The following PRKCA variants were observed in gnomAD, a reference collection of about 807,000 sequenced individuals.
The protein encoded by PRKCA is protein kinase C alpha type.
PRKCA carries 27 observed loss-of-function variants against 87.0 expected under a neutral mutation model. The observed-to-expected ratio is 0.31, with a 90% CI of 0.23 to 0.43. The LOEUF is 0.43. Ranked by LOEUF, PRKCA falls within the 20% of genes least tolerant of loss-of-function variation. The pLI, the probability that PRKCA is intolerant of heterozygous loss-of-function variation, is 1.00. For synonymous variants in PRKCA, 329 were observed against 311.1 expected, an observed-to-expected ratio of 1.06 and a Z score of -0.61; for missense variants, 518 against 852.3, an observed-to-expected ratio of 0.61 and a Z score of 4.88.
chr17:66,539,539 G>A (rs1967909668), intron 3 of PRKCA, among the ~76,000 whole-genome samples: 1 of 151,952 alleles, frequency 6.6e-6, no homozygotes, highest in Admixed American at 6.6e-5. Flanking sequence ...GAGTAGCTGG[G>A]ACTACAGGCG....
At chr17:66,370,885 C>T (rs377587876) in intron 2 of PRKCA, among the ~76,000 whole-genome samples, 1 of 152,104 alleles carries the variant, frequency 6.6e-6, no homozygotes, top group East Asian at 1.9e-4. Context: ...AGCAGCAAAG[C>T]TAGGGTTCAA....
intron 13 of PRKCA, among the ~76,000 whole-genome samples, chr17:66,752,308 C>A (rs1043102479): frequency 6.6e-6 from 1 of 152,134 alleles, no homozygotes; most frequent in African/African-American, 2.4e-5. Context: ...ACAATAATCA[C>A]GTTGGGCTGG....
chr17:66,777,262 A>G (rs1975076968), intron 14 of PRKCA: 1 of 985,226 alleles, frequency 1.0e-6, no homozygotes, highest in Non-Finnish European at 1.2e-6. Context: ...GAGGCTGTGG[A>G]TGATCTCTCC....
intron 3 of PRKCA, among the ~76,000 whole-genome samples, chr17:66,628,993 C>T (rs1182958102): frequency 6.6e-6 from 1 of 152,166 alleles, no homozygotes. Flanking sequence ...TGTGCCATTG[C>T]ACTCCAGCCT....
intron 3 of PRKCA, among the ~76,000 whole-genome samples, chr17:66,579,564 CAG>C (rs1281568571): frequency 1.3e-5 from 2 of 152,268 alleles, no homozygotes; most frequent in East Asian, 3.9e-4. Context: ...AACTGAGGCA[CAG>C]AGAGGCCAGT....
chr17:66,687,099 C>T lies in PRKCA; in HGVS notation c.530-12C>T. 1.3e-6 allele frequency: 2 copies of T among 1,599,602 alleles called. No homozygotes were observed. Among genetic ancestry groups the T allele is most frequent in the Non-Finnish European group, 1.7e-6 (2 of 1,170,418 alleles). On this transcript the variant is annotated splice_polypyrimidine_tract_variant and intron_variant, in intron 5 of 16. Coordinates refer to ENST00000413366, the MANE Select transcript of PRKCA (RefSeq NM_002737.3). ...CTCTTTTTGTAATATTTTCTTCCTT[C>T]TCTCTTCACAGTACGAGATGCAAAA...
intron 3 of PRKCA, among the ~76,000 whole-genome samples, chr17:66,540,866 T>A (rs972035692): frequency 3.9e-5 from 6 of 152,118 alleles, no homozygotes; most frequent in Admixed American, 3.3e-4. Context: ...ACCTATTCCG[T>A]TGTATATTTC....
chr17:66,415,952 C>A (rs1393417115), intron 2 of PRKCA: 1 of 152,228 alleles, frequency 6.6e-6, no homozygotes, highest in Non-Finnish European at 1.5e-5. Context: ...CTGTAAGTGA[C>A]AAGCCACCCA....
At chr17:66,583,976 G>A (rs1332610618) in intron 3 of PRKCA, among the ~76,000 whole-genome samples, 2 of 152,296 alleles carry the variant, frequency 1.3e-5, no homozygotes, top group South Asian at 2.1e-4. Context: ...TTAGTTTCCT[G>A]GGTTGATTTT....
intron 14 of PRKCA, among the ~76,000 whole-genome samples, chr17:66,786,662 A>G (rs1385939745): frequency 6.6e-6 from 1 of 152,216 alleles, no homozygotes; most frequent in African/African-American, 2.4e-5. Context: ...TTAACGAGAC[A>G]GAGGGGAAAA....
chr17:66,358,907 A>C (rs1261041127), intron 2 of PRKCA, among the ~76,000 whole-genome samples: 6 of 151,932 alleles, frequency 3.9e-5, no homozygotes, highest in African/African-American at 1.2e-4. Context: ...ATTTAACAGG[A>C]TATTAGGATG....
At chr17:66,442,187 A>G (rs1211800848) in intron 2 of PRKCA, among the ~76,000 whole-genome samples, 3 of 150,428 alleles carry the variant, frequency 2.0e-5, no homozygotes, top group African/African-American at 7.3e-5. Context: ...TCAGCCTCCC[A>G]AGTAGCTGGG....
At chr17:66,469,820 A>G (rs1197478809) in intron 2 of PRKCA, among the ~76,000 whole-genome samples, 1 of 152,116 alleles carries the variant, frequency 6.6e-6, no homozygotes, top group East Asian at 1.9e-4. Context: ...TTTTTAGGAG[A>G]GAAACTTTGG....
chr17:66,502,237 A>T (rs1460340076), intron 3 of PRKCA, among the ~76,000 whole-genome samples: 17 of 146,800 alleles, frequency 1.2e-4, no homozygotes, highest in Non-Finnish European at 4.5e-5. Context: ...GCCCTTTTTA[A>T]TTTTTTTTTT....
At chr17:66,494,177 C>T (rs1276750215) in intron 2 of PRKCA, among the ~76,000 whole-genome samples, 2 of 152,150 alleles carry the variant, frequency 1.3e-5, no homozygotes, top group South Asian at 2.1e-4. Context: ...GCCATATGTG[C>T]AGGGAACTGT....
intron 3 of PRKCA, among the ~76,000 whole-genome samples, chr17:66,622,802 C>T (rs12453021): frequency 0.052 from 7,931 of 152,288 alleles, 277 homozygotes; most frequent in Admixed American, 0.075. Flanking sequence ...AAAGTGGAAA[C>T]CCCTTATAAA....
intron 2 of PRKCA, among the ~76,000 whole-genome samples, chr17:66,440,751 C>T (rs565570431): frequency 6.6e-6 from 1 of 152,182 alleles, no homozygotes; most frequent in East Asian, 1.9e-4. Context: ...ATTGGTTGGG[C>T]ATGATGACTC....
intron 13 of PRKCA, among the ~76,000 whole-genome samples, chr17:66,757,101 C>T (rs1349617980): frequency 6.6e-6 from 1 of 151,978 alleles, no homozygotes; most frequent in Non-Finnish European, 1.5e-5. Flanking sequence ...ATCGGAAATA[C>T]TGGAGCAGAA....
At chr17:66,402,838 A>G (rs1435228455) in intron 2 of PRKCA, among the ~76,000 whole-genome samples, 2 of 152,190 alleles carry the variant, frequency 1.3e-5, no homozygotes, top group Admixed American at 6.5e-5. Flanking sequence ...GCTTTGTGAA[A>G]TTTGTTTTTT....
Sources: allele counts gnomAD v4.1 joint callset (sites outside exome capture counted in the v4.1 genomes callset), GRCh38; gene constraint gnomAD v4.1.1; transcripts MANE v1.5; gene names NCBI Gene and HGNC (gene_info 2026-07-23, HGNC 2026-07-21).